Variants in LRP6 observed in about 807,000 individuals in gnomAD.
LRP6 encodes low-density lipoprotein receptor-related protein 6.
LRP6 carries 43 observed loss-of-function variants against 184.1 expected under a neutral mutation model. The ratio of observed to expected loss-of-function variants is 0.23; its 90% CI spans 0.18 to 0.30. The LOEUF is 0.30. Among genes scored for constraint, LRP6 ranks in the 10% least tolerant of loss-of-function variants. The probability of loss-of-function intolerance (pLI) is 1.00; values close to 1 mark genes in which losing one functional copy is unlikely to be tolerated. For synonymous variants in LRP6, 719 were observed against 684.9 expected (o/e 1.05, Z -0.78); for missense variants, 1,571 against 2,005.3 (o/e 0.78, Z 4.14).
chr12:12,249,976 T>C (rs1865287060), intron 1 of LRP6, among the ~76,000 whole-genome samples: 3 of 152,336 alleles, frequency 2.0e-5, no homozygotes, highest in South Asian at 4.1e-4. Flanking sequence ...AGTCTGACAA[T>C]TACTGTCTTG....
rs1472598300 is a variant in LRP6 at position 12,198,528 on chromosome 12, CTCTTT to C, written c.647+4670_647+4674del. 2.8e-4 allele frequency among the ~76,000 whole-genome samples: 32 copies of C among 114,416 alleles called. No individual in the cohort carries two copies. In the East Asian group the frequency reaches 5.0e-3, roughly 18 times the overall value. 75.1% of individuals were successfully genotyped at this position (114,416 alleles called of 152,430 possible). On this transcript the variant is annotated intron_variant, in intron 3 of 22. Transcript: ENST00000261349. ...TCTATCATTTCATTTCTGAATTTTT[CTCTTT>C]TTTTTTTTTTTTTTTTTTTGAGACA...
In LRP6 at chr12:12,251,396, C is replaced by A. The variant is rs148869205; in HGVS notation, c.56-6741G>T. Among the ~76,000 whole-genome samples, 223 of 152,238 alleles carry A rather than the reference C, an allele frequency of 1.5e-3. 1 individual carries two copies. The highest frequency in any genetic ancestry group is 5.1e-3 in the African/African-American group (212 of 41,548). On this transcript the variant is annotated intron_variant, in intron 1 of 22. Transcript: ENST00000261349. ...TTTTGTTTTTTGAGATGGAGTCTCA[C>A]TCTGTCACCCAGGCTGGAGAGCAGT...
intron 3 of LRP6, among the ~76,000 whole-genome samples, chr12:12,193,325 G>C (rs1465495176): frequency 6.8e-6 from 1 of 148,104 alleles, no homozygotes; most frequent in African/African-American, 2.5e-5. Flanking sequence ...AAGAAGAGTA[G>C]ATTAAATCCA....
chr12:12,189,276 T>A (rs753814862), intron 3 of LRP6, among the ~76,000 whole-genome samples: 1 of 152,236 alleles, frequency 6.6e-6, no homozygotes, highest in African/African-American at 2.4e-5. Flanking sequence ...CTATCCTCAC[T>A]GCGTTAATGT....
chr12:12,201,722 T>A (rs1288187173), intron 3 of LRP6, among the ~76,000 whole-genome samples: 1 of 152,200 alleles, frequency 6.6e-6, no homozygotes, highest in Non-Finnish European at 1.5e-5. Flanking sequence ...GCCACATCCA[T>A]CTTCCTAGAC....
intron 1 of LRP6, among the ~76,000 whole-genome samples, chr12:12,251,320 T>C (rs1002870686): frequency 3.9e-5 from 6 of 152,168 alleles, no homozygotes; most frequent in African/African-American, 1.4e-4. Context: ...GATTTTAGTT[T>C]TCTCTGTTAA....
chr12:12,249,057 A>C (rs1469890712), intron 1 of LRP6: 3 of 685,784 alleles, frequency 4.4e-6, no homozygotes, highest in African/African-American at 3.5e-5. Flanking sequence ...GAACTCAAAG[A>C]AGGCCAGAAA....
chr12:12,225,132 TG>T (rs1248029877), intron 2 of LRP6, among the ~76,000 whole-genome samples: 6 of 151,708 alleles, frequency 4.0e-5, no homozygotes, highest in Admixed American at 3.9e-4. Context: ...TTGAACCCAG[TG>T]GGTGGAGGAT....
intron 19 of LRP6, 136 bp downstream of exon 19, chr12:12,130,647 C>T (rs1236753258): frequency 1.6e-6 from 1 of 638,114 alleles, no homozygotes; most frequent in Non-Finnish European, 2.8e-6. Flanking sequence ...ATAAAAAAAC[C>T]TTCACACAAA....
rs1265770871 is a variant in LRP6, at chr12:12,187,072, A to T, written c.695T>A (p.Leu232Ter). 1 of 1,614,052 alleles carries T rather than the reference A, an allele frequency of 6.2e-7. No individual in the cohort carries two copies. The highest frequency in any genetic ancestry group is 1.3e-5 in the African/African-American group (1 of 74,920). ...GSLPHPFALT[L>*]FEDILYWTDW... ...AGTCCAGTACAATATGTCCTCAAAT[A>T]ACGTCAAGGCAAAAGGATGTGGAAG... is the stretch of plus-strand genomic sequence containing the variant. The change falls in exon 4 of 23, where the codon TTA (leucine) becomes TAA (stop). Residue 232 changes from leucine to a stop codon, truncating the protein, a stop_gained. Coordinates refer to ENST00000261349, the MANE Select transcript of LRP6 (RefSeq NM_002336.3). LOFTEE classifies it high-confidence loss of function.
intron 15 of LRP6, among the ~76,000 whole-genome samples, chr12:12,146,574 T>C (rs1432768429): frequency 1.3e-5 from 2 of 152,216 alleles, no homozygotes; most frequent in Admixed American, 6.5e-5. Context: ...TTAATTTGGT[T>C]AAAATACCAG....
In LRP6 at chr12:12,181,263, G is replaced by A. The variant is rs752144608; in HGVS notation, c.1153C>T (p.Arg385Cys). 32 of 1,614,092 alleles carry A rather than the reference G, an allele frequency of 2.0e-5. No individual in the cohort carries two copies. Among genetic ancestry groups the A allele is most frequent in the Middle Eastern group, 1.6e-4 (1 of 6,062 alleles). The change falls in exon 6 of 23, where the codon CGC becomes TGC. Residue 385 changes from arginine (R) to cysteine (C), a missense_variant. Coordinates refer to ENST00000261349, the MANE Select transcript of LRP6 (RefSeq NM_002336.3). ...CCAGATCCATCTATAAATGAACGGC[G>A]TATGGCCCTCACTTCATCATCAGTC... is the stretch of plus-strand genomic sequence containing the variant. ...YWTDDEVRAI[R>C]RSFIDGSGSQ...
intron 3 of LRP6, among the ~76,000 whole-genome samples, chr12:12,187,857 C>T (rs1222785637): frequency 6.6e-6 from 1 of 152,102 alleles, no homozygotes; most frequent in African/African-American, 2.4e-5. Context: ...GAAAAGTAGA[C>T]AGCCTAGTTA....
intron 2 of LRP6, among the ~76,000 whole-genome samples, chr12:12,224,885 T>C (rs909945589): frequency 4.6e-5 from 7 of 152,206 alleles, no homozygotes; most frequent in African/African-American, 1.7e-4. Flanking sequence ...ACCTATTCCC[T>C]GGATGCCTGC....
chr12:12,242,042 G>A (rs1162634911), intron 2 of LRP6, among the ~76,000 whole-genome samples: 2 of 152,162 alleles, frequency 1.3e-5, no homozygotes, highest in Non-Finnish European at 2.9e-5. Flanking sequence ...TCACTGAACT[G>A]TTAGATCCTG....
At chr12:12,239,663 TTTTC>T (rs1865010617) in intron 2 of LRP6, among the ~76,000 whole-genome samples, 1 of 151,778 alleles carries the variant, frequency 6.6e-6, no homozygotes, top group African/African-American at 2.4e-5. Context: ...ACCCTATTCT[TTTTC>T]TTTTTTTTTT....
chr12:12,253,068 A>G (rs1865363767), intron 1 of LRP6, among the ~76,000 whole-genome samples: 1 of 152,206 alleles, frequency 6.6e-6, no homozygotes, highest in Admixed American at 6.5e-5. Context: ...GTTTGAGACC[A>G]GCCTGGCCAA....
chr12:12,135,297 T>C lies in LRP6; in HGVS notation c.3611A>G (p.Gln1204Arg). Residue 1204 changes from glutamine to arginine, a missense_variant, in exon 17 of 23, where the codon CAG becomes CGG. Transcript: ENST00000261349. ...VKELNLQEYR[Q>R]HPCAQDNGGC... The stretch of plus-strand genomic sequence containing the variant: ...ACCATTATCCTGAGCACAAGGGTGC[T>C]GTCCTGCAAAGAGAAGAGGTGAGGA... 1.2e-6 allele frequency: 2 copies of C among 1,611,148 alleles called. No homozygotes were observed. Among genetic ancestry groups the C allele is most frequent in the African/African-American group, 1.3e-5 (1 of 74,320 alleles).
chr12:12,199,688 A>G (rs1038540485), intron 3 of LRP6, among the ~76,000 whole-genome samples: 4 of 151,986 alleles, frequency 2.6e-5, no homozygotes, highest in African/African-American at 9.7e-5. Flanking sequence ...AGGCTCGGCC[A>G]GGCACGGTGG....
Sources: allele counts gnomAD v4.1 joint callset (sites outside exome capture counted in the v4.1 genomes callset), GRCh38; gene constraint gnomAD v4.1.1; transcripts MANE v1.5; gene names NCBI Gene and HGNC (gene_info 2026-07-23, HGNC 2026-07-21).